Variants in DPP6 observed in about 807,000 individuals in gnomAD.
DPP6 encodes dipeptidyl peptidase like 6, also known as A-type potassium channel modulatory protein DPP6.
Under a neutral mutation model 122.6 loss-of-function variants are expected in DPP6, and 69 were observed. The ratio of observed to expected loss-of-function variants is 0.56; its 90% CI spans 0.46 to 0.69. The LOEUF (loss-of-function observed/expected upper bound fraction) is 0.69. DPP6 is among the 30% of genes least tolerant of loss of function. The pLI, the probability that DPP6 is intolerant of heterozygous loss-of-function variation, is 0.00. For missense variants in DPP6, 928 were observed against 1,116.9 expected (o/e 0.83, Z 2.41); for synonymous variants, 418 against 433.1 (o/e 0.97, Z 0.43).
At chr7:154,297,482 A>G (rs1297282847) in intron 1 of DPP6, among the ~76,000 whole-genome samples, 1 of 152,208 alleles carries the variant, frequency 6.6e-6, no homozygotes, top group East Asian at 1.9e-4. Flanking sequence ...AGTAGGTCCA[A>G]TAAGGCAAAC....
At chr7:153,921,305 A>T (rs1307665313) in intron 1 of DPP6, among the ~76,000 whole-genome samples, 3 of 152,256 alleles carry the variant, frequency 2.0e-5, no homozygotes, top group Non-Finnish European at 2.9e-5. Flanking sequence ...GATTGTTATC[A>T]CAGCATAACT....
At chr7:154,659,800 G>A (rs752647273) in intron 6 of DPP6, among the ~76,000 whole-genome samples, 1 of 152,254 alleles carries the variant, frequency 6.6e-6, no homozygotes, top group Non-Finnish European at 1.5e-5. Context: ...TATAGAGACT[G>A]AGAAAGATTG....
chr7:154,447,897 A>G (rs1419056368), intron 2 of DPP6, among the ~76,000 whole-genome samples: 3 of 152,224 alleles, frequency 2.0e-5, no homozygotes, highest in Non-Finnish European at 4.4e-5. Context: ...AGACTCAACA[A>G]GCTAGGAACA....
At chr7:154,720,725 C>T (rs1436962374) in intron 7 of DPP6, among the ~76,000 whole-genome samples, 1 of 152,242 alleles carries the variant, frequency 6.6e-6, no homozygotes, top group Non-Finnish European at 1.5e-5. Context: ...CAGGTACTGG[C>T]TGAGTGCCCA....
chr7:154,421,015 G>A (rs1426581185), intron 1 of DPP6, among the ~76,000 whole-genome samples: 1 of 151,978 alleles, frequency 6.6e-6, no homozygotes, highest in Non-Finnish European at 1.5e-5. Context: ...ATAAGGCAAA[G>A]TTTAAAAAAA....
At chr7:154,478,811 C>G (rs934445043) in intron 3 of DPP6, among the ~76,000 whole-genome samples, 3 of 152,198 alleles carry the variant, frequency 2.0e-5, no homozygotes, top group Admixed American at 2.0e-4. Context: ...AGGTTCCGAA[C>G]AGTTCAGAAT....
intron 7 of DPP6, among the ~76,000 whole-genome samples, chr7:154,719,759 C>T (rs1336345837): frequency 1.3e-5 from 2 of 152,204 alleles, no homozygotes; most frequent in African/African-American, 4.8e-5. Context: ...GGTCACTGCC[C>T]CCATCAGCTG....
chr7:153,765,409 G>A, the DPP6 span, among the ~76,000 whole-genome samples: 2 of 152,060 alleles, frequency 1.3e-5, no homozygotes, highest in Non-Finnish European at 2.9e-5. Context: ...AGGCATGGTG[G>A]CGGGCACCTG....
chr7:153,886,303 T>C (rs375355958), upstream of DPP6, among the ~76,000 whole-genome samples: 10 of 152,222 alleles, frequency 6.6e-5, no homozygotes, highest in East Asian at 1.9e-3. Context: ...GGATGATTGA[T>C]GGGAACAGCG....
intron 1 of DPP6, among the ~76,000 whole-genome samples, chr7:154,137,658 T>TGGGGGGGGGGGGG (rs1163077821): frequency 4.1e-5 from 2 of 48,384 alleles, no homozygotes; most frequent in Admixed American, 2.2e-4. Context: ...GGTGGGGGGG[T>TGGGGGGGGGGGGG]GGGGGGGGTG....
intron 6 of DPP6, among the ~76,000 whole-genome samples, chr7:154,646,027 C>CAAAAACAAA (rs1836449301): frequency 1.7e-5 from 1 of 57,932 alleles, no homozygotes; most frequent in African/African-American, 7.1e-5. Context: ...GACTCCGTCT[C>CAAAAACAAA]AAAAAAAAAA....
intron 8 of DPP6, 35 bp downstream of exon 8, chr7:154,727,922 G>A: frequency 6.4e-7 from 1 of 1,561,728 alleles, no homozygotes; most frequent in Non-Finnish European, 8.7e-7. Context: ...AGGAAGATTT[G>A]TGGTTGCTGC....
intron 1 of DPP6, among the ~76,000 whole-genome samples, chr7:154,330,468 G>A (rs926755549): frequency 7.2e-5 from 11 of 152,198 alleles, no homozygotes; most frequent in African/African-American, 2.2e-4. Flanking sequence ...AAGGTCCTGT[G>A]AGAGCACGGA....
At chr7:154,060,208 G>A (rs72505523) in intron 1 of DPP6, among the ~76,000 whole-genome samples, 15,392 of 136,174 alleles carry the variant, frequency 0.11, 230 homozygotes, top group South Asian at 0.19. Flanking sequence ...CTGAGAGCGA[G>A]CCCCTCTTCC....
chr7:153,966,553 GCTTTTTTTTTTTTT>G (rs1335422184), intron 1 of DPP6, among the ~76,000 whole-genome samples: 9,750 of 57,588 alleles, frequency 0.17, 907 homozygotes, highest in Middle Eastern at 0.31. Context: ...TCCTGTGTTG[GCTTTTTTTTTTTTT>G]TTTTTTTTTT....
intron 1 of DPP6, among the ~76,000 whole-genome samples, chr7:154,355,827 G>A (rs909933566): frequency 7.2e-5 from 11 of 152,086 alleles, no homozygotes; most frequent in South Asian, 4.2e-4. Flanking sequence ...TGCCCTTTAC[G>A]TTTTCATTAA....
the DPP6 span, among the ~76,000 whole-genome samples, chr7:153,872,131 A>G: frequency 2.0e-5 from 3 of 152,196 alleles, no homozygotes; most frequent in South Asian, 4.1e-4. Context: ...GTTTTGCCTT[A>G]AAAGAGCAGT....
intron 1 of DPP6, among the ~76,000 whole-genome samples, chr7:154,350,982 T>G (rs1802027466): frequency 6.6e-6 from 1 of 151,884 alleles, no homozygotes; most frequent in Admixed American, 6.6e-5. Flanking sequence ...TGGGCTGGAG[T>G]CAGTGGGCCC....
chr7:154,469,149 G>C (rs1822039741), intron 2 of DPP6, among the ~76,000 whole-genome samples: 1 of 152,110 alleles, frequency 6.6e-6, no homozygotes, highest in Admixed American at 6.6e-5. Flanking sequence ...CTAGTTCATT[G>C]ATAGTAGCTC....
Sources: gnomAD v4.1 joint callset for allele counts (sites outside exome capture counted in the v4.1 genomes callset) on GRCh38, gnomAD v4.1.1 for gene constraint, MANE v1.5 for transcripts, NCBI Gene and HGNC (gene_info 2026-07-23, HGNC 2026-07-21) for gene names.